The following ZBTB16 variants were observed in gnomAD, a reference collection of about 807,000 sequenced individuals.
ZBTB16 encodes zinc finger and BTB domain-containing protein 16.
Under a neutral mutation model 56.8 loss-of-function variants are expected in ZBTB16, and 8 were observed. The observed-to-expected ratio is 0.14, with a 90% CI of 0.08 to 0.25. ZBTB16 has a LOEUF of 0.25. ZBTB16 is among the 10% of genes least tolerant of loss of function. ZBTB16 has a pLI of 1.00. For missense variants in ZBTB16, 625 were observed against 903.0 expected (o/e 0.69, Z 3.95); for synonymous variants, 363 against 368.5 (o/e 0.98, Z 0.17).
intron 4 of ZBTB16, among the ~76,000 whole-genome samples, chr11:114,194,702 TA>T (rs1265292458): frequency 2.0e-5 from 3 of 152,080 alleles, no homozygotes; most frequent in Admixed American, 2.0e-4. Context: ...CACTGTTCAG[TA>T]AAATAAAAGT....
At chr11:114,146,663 C>T (rs533945965) in intron 2 of ZBTB16, among the ~76,000 whole-genome samples, 46 of 151,766 alleles carry the variant, frequency 3.0e-4, no homozygotes, top group African/African-American at 1.0e-3. Flanking sequence ...CTGGCCAATG[C>T]GGTGAAACCC....
At chr11:114,119,333 TGTGTGTGTGTGTGCGCGC>T (rs1464722246) in intron 2 of ZBTB16, among the ~76,000 whole-genome samples, 1 of 148,390 alleles carries the variant, frequency 6.7e-6, no homozygotes, top group Non-Finnish European at 1.5e-5. Context: ...TATACGAGTT[TGTGTGTGTGTGTGCGCGC>T]GTGTGTGTGT....
At chr11:114,132,736 G>A (rs919368166) in intron 2 of ZBTB16, among the ~76,000 whole-genome samples, 2 of 152,112 alleles carry the variant, frequency 1.3e-5, no homozygotes, top group Admixed American at 6.5e-5. Context: ...GAGAGGGGCC[G>A]GAGCCTCCCG....
chr11:114,116,604 A>C lies in ZBTB16; in HGVS notation c.1269-39733A>C, dbSNP rs78566363. Reference sequence around the variant, plus strand: ...TGAACTCACTTTATTCAACTCATCAAATATTTACTGAATACCTACTAGATG... The same window carrying C: ...TGAACTCACTTTATTCAACTCATCACATATTTACTGAATACCTACTAGATG... On this transcript the variant is annotated intron_variant, in intron 2 of 6. Coordinates refer to ENST00000335953, the MANE Select transcript of ZBTB16 (RefSeq NM_006006.6). Among the ~76,000 whole-genome samples the C allele has an allele frequency of 8.9e-3, 1,358 of 152,216 alleles. 20 individuals are homozygous for C. Among genetic ancestry groups the C allele is most frequent in the African/African-American group, 0.031 (1,281 of 41,520 alleles).
intron 5 of ZBTB16, among the ~76,000 whole-genome samples, chr11:114,244,900 C>T (rs969369986): frequency 2.6e-5 from 4 of 152,154 alleles, no homozygotes; most frequent in African/African-American, 9.7e-5. Flanking sequence ...TGCCGATGTA[C>T]GTTTTAATTA....
At chr11:114,231,424 C>T in intron 4 of ZBTB16, among the ~76,000 whole-genome samples, 1 of 152,162 alleles carries the variant, frequency 6.6e-6, no homozygotes, top group Admixed American at 6.5e-5. Flanking sequence ...TCAGCCCTCA[C>T]CTGGCACAGA....
At chr11:114,214,242 A>G (rs767509300) in intron 4 of ZBTB16, among the ~76,000 whole-genome samples, 4 of 152,196 alleles carry the variant, frequency 2.6e-5, no homozygotes, top group Non-Finnish European at 4.4e-5. Context: ...TACACATTAT[A>G]TGTTCAATAA....
intron 2 of ZBTB16, among the ~76,000 whole-genome samples, chr11:114,120,428 T>C (rs1421852122): frequency 6.6e-6 from 1 of 152,196 alleles, no homozygotes; most frequent in Non-Finnish European, 1.5e-5. Flanking sequence ...TTGAACTCCC[T>C]TCACCTCTTC....
chr11:114,127,137 G>A (rs1199174752), intron 2 of ZBTB16, among the ~76,000 whole-genome samples: 1 of 152,170 alleles, frequency 6.6e-6, no homozygotes, highest in Non-Finnish European at 1.5e-5. Context: ...CTTGGTGACA[G>A]CAGTGTAGCC....
intron 4 of ZBTB16, among the ~76,000 whole-genome samples, chr11:114,233,125 A>ACACACTCT (rs1443230792): frequency 3.7e-5 from 2 of 54,720 alleles, no homozygotes; most frequent in African/African-American, 1.0e-4. Flanking sequence ...ACACACACAC[A>ACACACTCT]CTCTCTCTCT....
At chr11:114,237,051 C>T (rs1700868461) in intron 4 of ZBTB16, among the ~76,000 whole-genome samples, 1 of 152,222 alleles carries the variant, frequency 6.6e-6, no homozygotes, top group Non-Finnish European at 1.5e-5. Context: ...TGCCATGACT[C>T]ATGATCCAGG....
chr11:114,089,500 C>T (rs974981756), intron 2 of ZBTB16, among the ~76,000 whole-genome samples: 6 of 152,104 alleles, frequency 3.9e-5, no homozygotes, highest in Admixed American at 6.5e-5. Context: ...GGTAGCACAG[C>T]GCAATGATCC....
intron 3 of ZBTB16, among the ~76,000 whole-genome samples, chr11:114,173,115 G>C (rs1943013109): frequency 6.6e-6 from 1 of 152,160 alleles, no homozygotes; most frequent in African/African-American, 2.4e-5. Flanking sequence ...AACACCAAAG[G>C]CAAGCCAATG....
intron 4 of ZBTB16, among the ~76,000 whole-genome samples, 176 bp from the exon 5 acceptor site, chr11:114,241,991 C>G (rs1019749988): frequency 6.6e-6 from 1 of 152,232 alleles, no homozygotes; most frequent in Non-Finnish European, 1.5e-5. Flanking sequence ...TTTTGCCCAT[C>G]ACTGGGGCCA....
intron 2 of ZBTB16, among the ~76,000 whole-genome samples, chr11:114,115,807 G>A (rs1423100647): frequency 6.6e-6 from 1 of 152,190 alleles, no homozygotes; most frequent in Non-Finnish European, 1.5e-5. Context: ...GGAGGGGAGG[G>A]GAGAAGGACA....
In ZBTB16 at chr11:114,256,701, G is replaced by A. The variant is rs1202974597; in HGVS notation, c.*6146G>A. Among the ~76,000 whole-genome samples, 2 of 150,054 alleles carry A rather than the reference G, an allele frequency of 1.3e-5. No individual in the cohort carries two copies. The highest frequency in any genetic ancestry group is 3.0e-5 in the Non-Finnish European group (2 of 67,346). ...GCAGGTGGCCTTGTGCAGGGGAGGGGATGGGTGGGAGGTGGCCGTGCAAGC... is the reference window on the plus strand; with the variant it reads ...GCAGGTGGCCTTGTGCAGGGGAGGGAATGGGTGGGAGGTGGCCGTGCAAGC... On this transcript the variant is annotated 3_prime_UTR_variant, in exon 7 of 7. Coordinates refer to ENST00000335953, the MANE Select transcript of ZBTB16 (RefSeq NM_006006.6).
In ZBTB16 at chr11:114,063,913, A is replaced by G; in HGVS notation, c.613A>G (p.Ser205Gly). 4 of 1,613,954 alleles carry G rather than the reference A, an allele frequency of 2.5e-6. No individual in the cohort carries two copies. The highest frequency in any genetic ancestry group is 3.4e-6 in the Non-Finnish European group (4 of 1,180,020). Residue 205 changes from serine (S) to glycine (G), a missense_variant, in exon 2 of 7, where the codon AGT (serine) becomes GGT (glycine). Coordinates refer to ENST00000335953, the MANE Select transcript of ZBTB16 (RefSeq NM_006006.6). This position sits in a 1 kb window ranked among gnomAD's most constrained non-coding sequence, Gnocchi z 6.5. ...GAGTCCCACCAAGGCTGCAGTGGACAGTTTGATGACCATAGGACAGTCTCT... is the reference window on the plus strand; with the variant it reads ...GAGTCCCACCAAGGCTGCAGTGGACGGTTTGATGACCATAGGACAGTCTCT... ...AMSPTKAAVD[S>G]LMTIGQSLLQ...
intron 4 of ZBTB16, among the ~76,000 whole-genome samples, chr11:114,228,986 G>C (rs564249020): frequency 6.6e-6 from 1 of 152,302 alleles, no homozygotes; most frequent in East Asian, 1.9e-4. Flanking sequence ...AGGTTGTGGG[G>C]AGTCGGGGAG....
chr11:114,211,405 T>C (rs1175383935), intron 4 of ZBTB16, among the ~76,000 whole-genome samples: 1 of 152,132 alleles, frequency 6.6e-6, no homozygotes, highest in East Asian at 1.9e-4. Flanking sequence ...CCACCTACCT[T>C]CCTTATCTGT....
Sources: allele counts gnomAD v4.1 joint callset (sites outside exome capture counted in the v4.1 genomes callset), GRCh38; gene constraint gnomAD v4.1.1; non-coding constraint Gnocchi (gnomAD v3.1); transcripts MANE v1.5; gene names NCBI Gene and HGNC (gene_info 2026-07-23, HGNC 2026-07-21).